SMC4: variants seen among roughly 807,000 people sequenced by gnomAD.
SMC4 encodes the protein structural maintenance of chromosomes 4.
A neutral mutation model predicts 145.6 loss-of-function variants in SMC4; 87 were observed. The ratio of observed to expected loss-of-function variants is 0.60; its 90% CI spans 0.50 to 0.71. The LOEUF (loss-of-function observed/expected upper bound fraction) is 0.71. Ranked by LOEUF, SMC4 falls within the 30% of genes least tolerant of loss-of-function variation. The probability of loss-of-function intolerance (pLI) is 0.00; values close to 1 mark genes in which losing one functional copy is unlikely to be tolerated. For missense variants in SMC4, 1,447 were observed against 1,537.1 expected (o/e 0.94, Z 0.98); for synonymous variants, 558 against 500.7 (o/e 1.11, Z -1.53).
At chr3:160,431,928 G>A (rs1026223902) in intron 21 of SMC4, 103 bp downstream of exon 21, 14 of 1,250,832 alleles carry the variant, frequency 1.1e-5, no homozygotes, top group South Asian at 7.0e-5. Context: ...TTGGCCGGGC[G>A]TGGTGGCTCA....
Position 160,412,922 on chromosome 3 carries a change from G to A in SMC4, c.980+469G>A, listed in dbSNP as rs1249257928. ...ACTTTTTAAAATTCGTGTAATAGCA[G>A]ATCTGATTTTTTTCAGCTTATGATG... is the stretch of plus-strand genomic sequence containing the variant. On this transcript the variant is annotated intron_variant, in intron 7 of 23. Transcript: ENST00000357388. The A allele has an allele frequency of 9.8e-6, 5 of 509,416 alleles. No individual in the cohort carries two copies. In the South Asian group the frequency reaches 3.2e-4, roughly 33 times the overall value. The allele number at this position is 509,416 out of a possible 1,614,324, so 31.6% of individuals were successfully genotyped here. A position where few individuals can be genotyped will look rare whatever the true frequency, so the allele number is the denominator to read the frequency against.
chr3:160,423,757 C>G lies in SMC4; in HGVS notation c.2246-4C>G. 6.2e-7 allele frequency: 1 copy of G among 1,612,672 alleles called. No homozygotes were observed. The highest frequency in any genetic ancestry group is 1.7e-4 in the Middle Eastern group (1 of 6,058). ...GAAGCTGACTTCTCTCCCCTGTTTTCCAGGTACAATGACTGGTGGTGGAAG... is the reference window on the plus strand; with the variant it reads ...GAAGCTGACTTCTCTCCCCTGTTTTGCAGGTACAATGACTGGTGGTGGAAG... On this transcript the variant is annotated splice_polypyrimidine_tract_variant and splice_region_variant and intron_variant, in intron 14 of 23. Coordinates refer to ENST00000357388, the MANE Select transcript of SMC4 (RefSeq NM_001002800.3).
At position 160,412,042 on chromosome 3, in the gene SMC4, G is replaced by A; in HGVS notation, c.810G>A (p.Leu270=). ...GGCTAAATGAACCTATTAAAGTCTT[G>A]TGTCGGAGAGTTGAAATATTAAATG... The part of the protein sequence containing the change: ...CGRLNEPIKV[L]CRRVEILNEH... Residue 270 remains leucine (L), a synonymous_variant, in exon 6 of 24, where the codon TTG becomes TTA. Transcript: ENST00000357388. 6.2e-7 allele frequency: 1 copy of A among 1,613,584 alleles called. No individual in the cohort carries two copies. The highest frequency in any genetic ancestry group is 8.5e-7 in the Non-Finnish European group (1 of 1,179,758).
At chr3:160,424,281 C>G (rs1359080124) in intron 15 of SMC4, among the ~76,000 whole-genome samples, 1 of 152,148 alleles carries the variant, frequency 6.6e-6, no homozygotes, top group Non-Finnish European at 1.5e-5. Flanking sequence ...AGCTTGAACA[C>G]CTTTTCCCAA....
In SMC4 at chr3:160,433,138, C is replaced by G; in HGVS notation, c.3643C>G (p.Leu1215Val). ...FALHHYKPTP[L>V]YFMDEIDAAL... ...TCTTCACCACTACAAGCCCACTCCC[C>G]TTTACTTCATGGATGAGATTGATGC... The change falls in exon 23 of 24, where the codon CTT becomes GTT. Residue 1215 changes from leucine (L) to valine (V), a missense_variant. Transcript: ENST00000357388. 1.9e-6 allele frequency: 3 copies of G among 1,613,738 alleles called. No individual in the cohort carries two copies. Among genetic ancestry groups the G allele is most frequent in the Non-Finnish European group, 2.5e-6 (3 of 1,179,736 alleles).
rs151241818 is a variant in SMC4 at position 160,425,262 on chromosome 3, A to T, written c.2478+243A>T. Among the ~76,000 whole-genome samples the T allele has an allele frequency of 1.1e-3, 174 of 152,246 alleles. 1 individual carries two copies. Among genetic ancestry groups the T allele is most frequent in the African/African-American group, 4.0e-3 (167 of 41,540 alleles). On this transcript the variant is annotated intron_variant, in intron 16 of 23. Transcript: ENST00000357388. ...TCCGTTTGTACTCCATAGAAACATT[A>T]CTTTCCTTAACAACTATATGACCCT... is the stretch of plus-strand genomic sequence containing the variant.
chr3:160,419,728 G>A (rs944429637), intron 12 of SMC4, among the ~76,000 whole-genome samples, 185 bp downstream of exon 12: 42 of 151,948 alleles, frequency 2.8e-4, no homozygotes, highest in African/African-American at 9.2e-4. Context: ...CTTAGCTTTA[G>A]ATAAATACAA....
chr3:160,427,666 T>C (rs1717935520), intron 17 of SMC4, among the ~76,000 whole-genome samples: 1 of 152,104 alleles, frequency 6.6e-6, no homozygotes, highest in South Asian at 2.1e-4. Flanking sequence ...TAATATCTCA[T>C]GTGGAGGACC....
At chr3:160,401,153 A>ATCC (rs1714584440) in intron 2 of SMC4, among the ~76,000 whole-genome samples, 188 bp downstream of exon 2, 1 of 151,950 alleles carries the variant, frequency 6.6e-6, no homozygotes, top group Non-Finnish European at 1.5e-5. Context: ...TTTTGGTGTA[A>ATCC]CGGCGCTGGA....
intron 23 of SMC4, 53 bp from the exon 24 acceptor site, chr3:160,433,604 G>C (rs1339778448): frequency 9.1e-7 from 1 of 1,100,254 alleles, no homozygotes; most frequent in Non-Finnish European, 1.3e-6. Flanking sequence ...TTACATGTTT[G>C]TGTGATTTAC....
rs905595187 is a variant in SMC4, at chr3:160,434,854, T to C, written c.*1045T>C. ...TCCTTTCTTCAGTGGGCCATTGTTT[T>C]AGATATTTAAAAAATCCAACAGTTT... On this transcript the variant is annotated 3_prime_UTR_variant, in exon 24 of 24. Transcript: ENST00000357388. 2.6e-5 allele frequency: 4 copies of C among 152,200 alleles called. No homozygotes were observed. The highest frequency in any genetic ancestry group is 9.6e-5 in the African/African-American group (4 of 41,456). The allele number at this position is 152,200 out of a possible 1,614,324, so 9.4% of individuals were successfully genotyped here.
chr3:160,409,959 C>G (rs1441008267), intron 5 of SMC4, among the ~76,000 whole-genome samples: 5 of 151,878 alleles, frequency 3.3e-5, no homozygotes, highest in African/African-American at 1.2e-4. Flanking sequence ...ATCTGTAGTC[C>G]CGGCTACTTG....
chr3:160,406,710 TC>T (rs1306902661), intron 5 of SMC4, among the ~76,000 whole-genome samples: 2 of 152,144 alleles, frequency 1.3e-5, no homozygotes, highest in African/African-American at 4.8e-5. Context: ...TTTTAGAAGT[TC>T]CTAAGAGTAA....
chr3:160,402,617 G>C, intron 3 of SMC4, 59 bp from the exon 4 acceptor site: 1 of 1,498,302 alleles, frequency 6.7e-7, no homozygotes, highest in Non-Finnish European at 9.0e-7. Context: ...GTTAAAATCA[G>C]TAGTATTAGC....
intron 11 of SMC4, 68 bp downstream of exon 11, chr3:160,418,024 T>C (rs1217484347): frequency 1.5e-6 from 2 of 1,298,748 alleles, no homozygotes. Context: ...ATTTTTGTTT[T>C]TAATCTCCGC....
At position 160,423,859 on chromosome 3, in the gene SMC4, G is replaced by T; in HGVS notation, c.2325+19G>T. The T allele has an allele frequency of 6.4e-7, 1 of 1,560,326 alleles. No homozygotes were observed. On this transcript the variant is annotated intron_variant, in intron 15 of 23. Transcript: ENST00000357388. ...AGAAGAGGTCAGCATATCTAAAATT[G>T]TATCCAGACTTTTTTTTTTTTTTAA...
chr3:160,400,871 G>A lies in SMC4; in HGVS notation c.45G>A (p.Glu15=), dbSNP rs1714525295. Residue 15 remains glutamate (E), a synonymous_variant, in exon 2 of 24, where the codon GAG becomes GAA. Coordinates refer to ENST00000357388, the MANE Select transcript of SMC4 (RefSeq NM_001002800.3). ...AGCCCTCCACTGCCCGGCGCAGAGAGGAAGGGCCGCCGCCGCCGTCCCCTG... is the reference window on the plus strand; with the variant it reads ...AGCCCTCCACTGCCCGGCGCAGAGAAGAAGGGCCGCCGCCGCCGTCCCCTG... The part of the protein sequence containing the change: ...GTQPSTARRR[E]EGPPPPSPDG... The A allele has an allele frequency of 6.6e-7, 1 of 1,525,358 alleles. No homozygotes were observed. Among genetic ancestry groups the A allele is most frequent in the Non-Finnish European group, 8.7e-7 (1 of 1,146,050 alleles). 94.5% of individuals were successfully genotyped at this position (1,525,358 alleles called of 1,614,324 possible). A position where few individuals can be genotyped will look rare whatever the true frequency, so the allele number is the denominator to read the frequency against.
chr3:160,405,643 AC>A (rs1008240740), intron 5 of SMC4, among the ~76,000 whole-genome samples: 13 of 152,186 alleles, frequency 8.5e-5, no homozygotes, highest in South Asian at 4.1e-4. Flanking sequence ...ATCTTTTGTT[AC>A]CAGGCACAGT....
rs1336638024 is a variant in SMC4 at position 160,434,800 on chromosome 3, C to T, written c.*991C>T. 1 of 152,086 alleles carries T rather than the reference C, an allele frequency of 6.6e-6. No homozygotes were observed. The highest frequency in any genetic ancestry group is 1.5e-5 in the Non-Finnish European group (1 of 68,030). The allele number at this position is 152,086 out of a possible 1,614,324, so 9.4% of individuals were successfully genotyped here. ...AGCTGTTAAATTTCTGGGTATTTAT[C>T]CTAAGGAATTAATTAAAGAGTTAAT... is the stretch of plus-strand genomic sequence containing the variant. On this transcript the variant is annotated 3_prime_UTR_variant, in exon 24 of 24. Coordinates refer to ENST00000357388, the MANE Select transcript of SMC4 (RefSeq NM_001002800.3).
Sources: allele counts gnomAD v4.1 joint callset (sites outside exome capture counted in the v4.1 genomes callset), GRCh38; gene constraint gnomAD v4.1.1; transcripts MANE v1.5; gene names NCBI Gene and HGNC (gene_info 2026-07-23, HGNC 2026-07-21).